The following CCSER1 variants were observed in gnomAD, a reference collection of about 807,000 sequenced individuals.
CCSER1 encodes serine-rich coiled-coil domain-containing protein 1.
Under a neutral mutation model 82.0 loss-of-function variants are expected in CCSER1, and 41 were observed. That is an observed-to-expected ratio of 0.50 (90% CI 0.39 to 0.65). The LOEUF is 0.65. Ranked by LOEUF, CCSER1 falls within the 30% of genes least tolerant of loss-of-function variation. The pLI is 0.00. For missense variants in CCSER1, 1,119 were observed against 1,064.2 expected, an observed-to-expected ratio of 1.05 and a Z score of -0.72; for synonymous variants, 414 against 383.9, an observed-to-expected ratio of 1.08 and a Z score of -0.92.
chr4:91,280,148 G>T (rs1157467891), intron 10 of CCSER1, among the ~76,000 whole-genome samples: 1 of 152,226 alleles, frequency 6.6e-6, no homozygotes, highest in South Asian at 2.1e-4. Flanking sequence ...GGCAGGACAA[G>T]CATGCCTGTC....
At chr4:90,226,316 T>C (rs568313639) in intron 1 of CCSER1, among the ~76,000 whole-genome samples, 1 of 152,340 alleles carries the variant, frequency 6.6e-6, no homozygotes, top group East Asian at 1.9e-4. Flanking sequence ...GAAATAGATA[T>C]CTGAAATACC....
chr4:90,389,309 C>T (rs769834312), intron 3 of CCSER1, among the ~76,000 whole-genome samples: 31 of 152,246 alleles, frequency 2.0e-4, no homozygotes, highest in East Asian at 5.8e-4. Flanking sequence ...AAGCATTACT[C>T]GGAAATGCTA....
intron 10 of CCSER1, among the ~76,000 whole-genome samples, chr4:91,480,670 GACTA>G (rs1420510340): frequency 1.8e-4 from 28 of 152,158 alleles, no homozygotes; most frequent in African/African-American, 6.5e-4. Flanking sequence ...AGTAGCAGAA[GACTA>G]CAGTCATTTC....
chr4:91,158,620 CTGTGTGTG>C (rs145928017), intron 10 of CCSER1, among the ~76,000 whole-genome samples: 3 of 148,662 alleles, frequency 2.0e-5, no homozygotes, highest in African/African-American at 4.9e-5. Flanking sequence ...CCCTCTCTTT[CTGTGTGTG>C]TGTGTGTGTG....
In CCSER1 at chr4:90,476,021, CGT is replaced by C. The variant is rs148001576; in HGVS notation, c.1724+7690_1724+7691del. Among the ~76,000 whole-genome samples, 244 of 148,234 alleles carry C rather than the reference CGT, an allele frequency of 1.6e-3. 2 individuals are homozygous for C. The highest frequency in any genetic ancestry group is 5.0e-3 in the South Asian group (23 of 4,602). ...TCCTGGAAATTTTTCCTTCTTTTCT[CGT>C]GTGTGTGTGTGTGTGTGTGTGTATG... On this transcript the variant is annotated intron_variant, in intron 5 of 10. Transcript: ENST00000509176.
chr4:90,258,402 C>T (rs759172864), intron 1 of CCSER1, among the ~76,000 whole-genome samples: 1 of 152,082 alleles, frequency 6.6e-6, no homozygotes, highest in Non-Finnish European at 1.5e-5. Context: ...ATCCCAGCTA[C>T]TCGGGAGACT....
chr4:90,890,215 G>T (rs1722758315), intron 8 of CCSER1, among the ~76,000 whole-genome samples: 1 of 152,046 alleles, frequency 6.6e-6, no homozygotes, highest in Non-Finnish European at 1.5e-5. Context: ...AAAGTAGGGG[G>T]GACCTGGATT....
chr4:91,047,020 TAA>T (rs1261271870), intron 9 of CCSER1, among the ~76,000 whole-genome samples: 1 of 152,150 alleles, frequency 6.6e-6, no homozygotes, highest in Non-Finnish European at 1.5e-5. Flanking sequence ...CTGTCAAGGC[TAA>T]GAGTTGTTTA....
intron 9 of CCSER1, among the ~76,000 whole-genome samples, chr4:91,070,277 A>G (rs1295463986): frequency 6.6e-5 from 10 of 152,122 alleles, no homozygotes; most frequent in Admixed American, 4.6e-4. Flanking sequence ...AGTTCCCAGG[A>G]CCTTCTTTAA....
intron 10 of CCSER1, among the ~76,000 whole-genome samples, chr4:91,469,163 T>G (rs1757123941): frequency 6.6e-6 from 1 of 152,174 alleles, no homozygotes. Context: ...TATTACTGAT[T>G]TCAAATTTTT....
At chr4:91,174,061 T>C (rs1733048512) in intron 10 of CCSER1, among the ~76,000 whole-genome samples, 1 of 152,192 alleles carries the variant, frequency 6.6e-6, no homozygotes, top group South Asian at 2.1e-4. Context: ...ATGACAAATA[T>C]ATTTCCCATT....
intron 1 of CCSER1, among the ~76,000 whole-genome samples, chr4:90,165,751 T>A (rs1176478727): frequency 6.6e-6 from 1 of 151,994 alleles, no homozygotes; most frequent in Non-Finnish European, 1.5e-5. Context: ...AGACTAATTG[T>A]CACAGGGAGG....
intron 1 of CCSER1, among the ~76,000 whole-genome samples, chr4:90,225,463 A>G (rs1423496833): frequency 6.6e-6 from 1 of 152,142 alleles, no homozygotes; most frequent in Non-Finnish European, 1.5e-5. Flanking sequence ...TCCACTCTTG[A>G]GTGGGACAGA....
chr4:90,922,025 A>G (rs1324299782), intron 8 of CCSER1, among the ~76,000 whole-genome samples: 1 of 152,026 alleles, frequency 6.6e-6, no homozygotes, highest in Non-Finnish European at 1.5e-5. Flanking sequence ...TCAAATAATT[A>G]AAAACTTCTA....
At chr4:91,364,398 A>T (rs534288355) in intron 10 of CCSER1, among the ~76,000 whole-genome samples, 4 of 152,050 alleles carry the variant, frequency 2.6e-5, no homozygotes, top group Admixed American at 1.3e-4. Flanking sequence ...ATTTAATTAC[A>T]TCATAATTTA....
chr4:90,550,226 G>C (rs933767263), intron 5 of CCSER1, among the ~76,000 whole-genome samples: 2 of 152,066 alleles, frequency 1.3e-5, no homozygotes, highest in African/African-American at 4.8e-5. Context: ...TCTTTTTCAA[G>C]GGCGGATGTG....
At chr4:91,097,156 G>A (rs545525003) in intron 10 of CCSER1, among the ~76,000 whole-genome samples, 2 of 152,210 alleles carry the variant, frequency 1.3e-5, no homozygotes, top group East Asian at 3.9e-4. Context: ...TCGGTATTCT[G>A]AATATTCTGT....
At chr4:90,366,112 T>C (rs17016912) in intron 3 of CCSER1, among the ~76,000 whole-genome samples, 70,614 of 151,578 alleles carry the variant, frequency 0.47, 16,718 homozygotes, top group South Asian at 0.59. Flanking sequence ...TTCATAGCCA[T>C]GGTAACAGTA....
chr4:90,493,026 G>T (rs956646483), intron 5 of CCSER1, among the ~76,000 whole-genome samples: 1 of 152,088 alleles, frequency 6.6e-6, no homozygotes, highest in Non-Finnish European at 1.5e-5. Flanking sequence ...AAAAAGATTA[G>T]ACAAATGGCT....
Sources: gnomAD v4.1 joint callset for allele counts (sites outside exome capture counted in the v4.1 genomes callset) on GRCh38, gnomAD v4.1.1 for gene constraint, MANE v1.5 for transcripts, NCBI Gene and HGNC (gene_info 2026-07-23, HGNC 2026-07-21) for gene names.